MACROD2: variants seen among roughly 807,000 people sequenced by gnomAD.
MACROD2 encodes mono-ADP ribosylhydrolase 2.
Under a neutral mutation model 70.4 loss-of-function variants are expected in MACROD2, and 36 were observed. The observed-to-expected ratio is 0.51, with a 90% confidence interval of 0.39 to 0.68. The LOEUF (loss-of-function observed/expected upper bound fraction) is 0.68. MACROD2 is among the 30% of genes least tolerant of loss of function. The probability of loss-of-function intolerance (pLI) is 0.00; values close to 1 mark genes in which losing one functional copy is unlikely to be tolerated. For missense variants in MACROD2, 496 were observed against 538.4 expected (o/e 0.92, Z 0.78); for synonymous variants, 172 against 178.8 (o/e 0.96, Z 0.30).
intron 3 of MACROD2, among the ~76,000 whole-genome samples, chr20:14,159,936 T>A (rs1046654709): frequency 1.3e-5 from 2 of 152,196 alleles, no homozygotes; most frequent in African/African-American, 4.8e-5. Flanking sequence ...GATGAAGTGG[T>A]GCTGATTTTT....
chr20:15,802,069 A>G (rs1469661803), intron 8 of MACROD2, among the ~76,000 whole-genome samples: 2 of 152,092 alleles, frequency 1.3e-5, no homozygotes, highest in Admixed American at 6.5e-5. Context: ...ACTTTACTGA[A>G]TTTGATTGTC....
intron 15 of MACROD2, among the ~76,000 whole-genome samples, chr20:16,022,454 CATT>C (rs1266200563): frequency 2.0e-5 from 3 of 152,134 alleles, no homozygotes; most frequent in South Asian, 2.1e-4. Context: ...AGAACCTTAA[CATT>C]GTTGTTTTGG....
chr20:15,288,558 G>A (rs988211659), intron 6 of MACROD2, among the ~76,000 whole-genome samples: 1 of 152,110 alleles, frequency 6.6e-6, no homozygotes, highest in East Asian at 1.9e-4. Flanking sequence ...CTAATTGGTC[G>A]AAGGCTTAGA....
chr20:14,919,066 G>T (rs1012269649), intron 5 of MACROD2, among the ~76,000 whole-genome samples: 1 of 152,078 alleles, frequency 6.6e-6, no homozygotes, highest in Non-Finnish European at 1.5e-5. Flanking sequence ...TGTGTTTTGC[G>T]GTGTTTATAT....
intron 5 of MACROD2, among the ~76,000 whole-genome samples, chr20:14,981,021 AGTGTGTGT>A (rs11468972): frequency 4.7e-4 from 67 of 143,744 alleles, no homozygotes; most frequent in African/African-American, 1.3e-3. Context: ...TACAAAAAGA[AGTGTGTGT>A]GTGTGTGTGT....
chr20:15,925,259 T>C (rs913916204), intron 10 of MACROD2, among the ~76,000 whole-genome samples: 13 of 152,258 alleles, frequency 8.5e-5, no homozygotes, highest in African/African-American at 2.7e-4. Context: ...GTTAGTTACT[T>C]TTAAAAAACA....
rs71192307 is a variant in MACROD2 at position 15,948,382 on chromosome 20, C to CAAAAAAAAAAAA, written c.907+10857_907+10868dup. Among the ~76,000 whole-genome samples, 78 of 43,092 alleles carry CAAAAAAAAAAAA rather than the reference C, an allele frequency of 1.8e-3. 1 individual carries two copies. The highest frequency in any genetic ancestry group is 2.3e-3 in the Non-Finnish European group (48 of 21,306). 28.3% of individuals were successfully genotyped at this position (43,092 alleles called of 152,430 possible). On this transcript the variant is annotated intron_variant, in intron 12 of 17. Coordinates refer to ENST00000684519, the MANE Select transcript of MACROD2 (RefSeq NM_001351661.2). The stretch of plus-strand genomic sequence containing the variant: ...TTCACTCTATTAAATCTTGCAACTG[C>CAAAAAAAAAAAA]AAAAAAAAAAAAAAAAAAAAAAAAA...
At position 15,621,790 on chromosome 20, in the gene MACROD2, T is replaced by G. The variant is rs575066298; in HGVS notation, c.645+121943T>G. 3.3e-5 allele frequency among the ~76,000 whole-genome samples: 5 copies of G among 152,260 alleles called. No individual in the cohort carries two copies. The East Asian group carries it at 9.7e-4, about 29-fold the overall frequency. The stretch of plus-strand genomic sequence containing the variant: ...GAATGAAATAATATTATCCAGGAGA[T>G]TCACATACCCCACCAAGCCACGCAG... On this transcript the variant is annotated intron_variant, in intron 8 of 17. Transcript: ENST00000684519.
intron 3 of MACROD2, among the ~76,000 whole-genome samples, chr20:14,444,614 C>A (rs956088931): frequency 1.2e-4 from 18 of 152,044 alleles, no homozygotes; most frequent in African/African-American, 4.4e-4. Flanking sequence ...AAATTTGTAT[C>A]TTTAGTGTGT....
chr20:14,795,702 G>A (rs910907121), intron 5 of MACROD2, among the ~76,000 whole-genome samples: 3 of 152,012 alleles, frequency 2.0e-5, no homozygotes, highest in Admixed American at 6.6e-5. Context: ...ATTTATTTTT[G>A]TTTTCGTTTT....
At chr20:15,597,555 T>A (rs1166361096) in intron 8 of MACROD2, among the ~76,000 whole-genome samples, 1 of 152,028 alleles carries the variant, frequency 6.6e-6, no homozygotes, top group East Asian at 1.9e-4. Context: ...AGAAAGATGA[T>A]GAAATAGAGC....
intron 9 of MACROD2, among the ~76,000 whole-genome samples, chr20:15,876,968 G>A (rs932403225): frequency 6.6e-6 from 1 of 152,020 alleles, no homozygotes; most frequent in Non-Finnish European, 1.5e-5. Flanking sequence ...CTGCAATAAC[G>A]TGACTGTCTC....
chr20:14,362,227 A>C (rs1169931645), intron 3 of MACROD2, among the ~76,000 whole-genome samples: 1 of 152,202 alleles, frequency 6.6e-6, no homozygotes, highest in African/African-American at 2.4e-5. Context: ...TGTTCCCAGC[A>C]CTTTCTTAAT....
chr20:15,150,814 A>G (rs201933996), intron 5 of MACROD2, among the ~76,000 whole-genome samples: 4 of 151,970 alleles, frequency 2.6e-5, no homozygotes, highest in African/African-American at 7.3e-5. Flanking sequence ...AAGGGAACTG[A>G]GCAGGTGGGG....
intron 5 of MACROD2, among the ~76,000 whole-genome samples, chr20:15,189,962 C>T (rs114609900): frequency 0.012 from 1,789 of 152,220 alleles, 28 homozygotes; most frequent in African/African-American, 0.04. Flanking sequence ...TCTCCCAATG[C>T]ACTAACAGAT....
At chr20:14,815,163 A>G in intron 5 of MACROD2, among the ~76,000 whole-genome samples, 1 of 152,042 alleles carries the variant, frequency 6.6e-6, no homozygotes. Flanking sequence ...ACCCAATAAC[A>G]TACTTTAAAT....
intron 3 of MACROD2, among the ~76,000 whole-genome samples, chr20:14,372,325 T>C (rs2083332881): frequency 6.6e-6 from 1 of 152,172 alleles, no homozygotes. Flanking sequence ...TAGCAAATTA[T>C]ATCTAGTAGT....
chr20:15,763,129 T>C (rs150149500), intron 8 of MACROD2, among the ~76,000 whole-genome samples: 31 of 152,318 alleles, frequency 2.0e-4, no homozygotes, highest in African/African-American at 7.5e-4. Flanking sequence ...TGGTCTTTGA[T>C]GAATTTTACC....
intron 2 of MACROD2, among the ~76,000 whole-genome samples, chr20:14,055,179 A>G (rs1376251212): frequency 6.6e-6 from 1 of 152,182 alleles, no homozygotes. Flanking sequence ...AGAAAGAAAA[A>G]CATGCGTTTA....
Sources: allele counts gnomAD v4.1 joint callset (sites outside exome capture counted in the v4.1 genomes callset), GRCh38; gene constraint gnomAD v4.1.1; transcripts MANE v1.5; gene names NCBI Gene and HGNC (gene_info 2026-07-23, HGNC 2026-07-21).